KLHL32: variants seen among roughly 807,000 people sequenced by gnomAD.
KLHL32 encodes kelch like family member 32, also known as kelch-like protein 32.
In KLHL32, 35 loss-of-function variants were observed where a neutral mutation model predicts 64.8. The ratio of observed to expected loss-of-function variants is 0.54; its 90% confidence interval spans 0.41 to 0.72. The LOEUF is 0.72. Ranked by LOEUF, KLHL32 falls within the 30% of genes least tolerant of loss-of-function variation. KLHL32 has a pLI of 0.00. For missense variants in KLHL32, 589 were observed against 768.5 expected, an observed-to-expected ratio of 0.77 and a Z score of 2.76; for synonymous variants, 259 against 281.0, an observed-to-expected ratio of 0.92 and a Z score of 0.78.
chr6:96,924,399 G>C (rs1768880370), upstream of KLHL32, among the ~76,000 whole-genome samples: 1 of 151,238 alleles, frequency 6.6e-6, no homozygotes, highest in African/African-American at 2.4e-5. Flanking sequence ...GCCGGAGAGC[G>C]AGGAGGAGGG....
chr6:97,001,259 G>A (rs958679733), intron 3 of KLHL32, among the ~76,000 whole-genome samples: 1 of 152,164 alleles, frequency 6.6e-6, no homozygotes, highest in Admixed American at 6.5e-5. Flanking sequence ...GGCTGTGCTT[G>A]TGGAGGGGGA....
intron 3 of KLHL32, chr6:97,025,212 T>A (rs9487762): frequency 0.036 from 29,013 of 815,212 alleles, 1,087 homozygotes; most frequent in African/African-American, 0.17. Context: ...TTTGTAAAAA[T>A]CTGATTTGGA....
intron 1 of KLHL32, among the ~76,000 whole-genome samples, chr6:96,930,593 G>A (rs899235373): frequency 2.0e-4 from 31 of 151,924 alleles, no homozygotes; most frequent in Non-Finnish European, 8.8e-5. Flanking sequence ...TCCTCAAAAT[G>A]ATGGTGGAAT....
rs866154171 is a variant in KLHL32 at position 96,985,784 on chromosome 6, T to C, written c.204+9607T>C. The stretch of plus-strand genomic sequence containing the variant: ...TAGTTAGCCATTCATCTAATTTTTT[T>C]TCAAGGTTTTTAACTTCTTTGCCAT... On this transcript the variant is annotated intron_variant, in intron 3 of 10. Coordinates refer to ENST00000369261, the MANE Select transcript of KLHL32 (RefSeq NM_052904.4). 7.9e-5 allele frequency among the ~76,000 whole-genome samples: 12 copies of C among 152,320 alleles called. No individual in the cohort carries two copies. The South Asian group carries it at 2.3e-3, about 29-fold the overall frequency.
At chr6:97,130,973 T>A in intron 9 of KLHL32, 24 bp downstream of exon 9, 1 of 1,595,038 alleles carries the variant, frequency 6.3e-7, no homozygotes, top group Non-Finnish European at 8.6e-7. Flanking sequence ...ATTAAGTAAA[T>A]CAGGAAAAGT....
intron 4 of KLHL32, among the ~76,000 whole-genome samples, chr6:97,046,657 C>T (rs1041301125): frequency 6.6e-6 from 1 of 152,096 alleles, no homozygotes; most frequent in Non-Finnish European, 1.5e-5. Flanking sequence ...TCTATTTTCC[C>T]TTTGAGACAT....
At chr6:97,112,967 T>C (rs2128209345) in intron 6 of KLHL32, among the ~76,000 whole-genome samples, 1 of 151,910 alleles carries the variant, frequency 6.6e-6, no homozygotes, top group African/African-American at 2.4e-5. Flanking sequence ...CATATCAAAA[T>C]GTTATAACTC....
intron 8 of KLHL32, 85 bp downstream of exon 8, chr6:97,127,547 G>A: frequency 9.4e-7 from 1 of 1,068,766 alleles, no homozygotes. Context: ...AATGCCAAGT[G>A]TACACACACA....
At chr6:96,937,375 A>G (rs1332565005) in intron 1 of KLHL32, among the ~76,000 whole-genome samples, 1 of 152,168 alleles carries the variant, frequency 6.6e-6, no homozygotes, top group Non-Finnish European at 1.5e-5. Flanking sequence ...TATTTGTTAA[A>G]TTTGGATATT....
intron 1 of KLHL32, among the ~76,000 whole-genome samples, chr6:96,960,439 A>G (rs1773761354): frequency 6.6e-6 from 1 of 152,232 alleles, no homozygotes; most frequent in Non-Finnish European, 1.5e-5. Flanking sequence ...TGAGTTACTC[A>G]TAACTAGGGG....
chr6:97,088,399 A>G (rs1562323513), intron 6 of KLHL32, among the ~76,000 whole-genome samples: 1 of 152,152 alleles, frequency 6.6e-6, no homozygotes, highest in African/African-American at 2.4e-5. Flanking sequence ...GCAAATCTCT[A>G]TCTGTTTGAT....
At chr6:97,072,524 A>G (rs999535734) in intron 5 of KLHL32, among the ~76,000 whole-genome samples, 1 of 150,346 alleles carries the variant, frequency 6.7e-6, no homozygotes, top group African/African-American at 2.4e-5. Context: ...AATTTGGTAC[A>G]CAGGGCCTGT....
intron 7 of KLHL32, among the ~76,000 whole-genome samples, chr6:97,117,176 A>G (rs901618685): frequency 2.6e-5 from 4 of 152,218 alleles, no homozygotes; most frequent in African/African-American, 9.6e-5. Context: ...ATACAGGTAT[A>G]GTTCACCCTG....
chr6:96,928,347 C>A (rs1769422856), intron 1 of KLHL32, among the ~76,000 whole-genome samples: 1 of 151,986 alleles, frequency 6.6e-6, no homozygotes, highest in Non-Finnish European at 1.5e-5. Context: ...GCTAGTGATA[C>A]CTAATATTGA....
chr6:96,973,670 A>G (rs1283238514), intron 2 of KLHL32, among the ~76,000 whole-genome samples: 9 of 150,740 alleles, frequency 6.0e-5, no homozygotes, highest in Admixed American at 5.9e-4. Flanking sequence ...TATAAAGTTA[A>G]TAGGGACTTA....
intron 3 of KLHL32, among the ~76,000 whole-genome samples, chr6:97,023,850 ATAT>A (rs746554694): frequency 5.9e-5 from 9 of 152,168 alleles, no homozygotes; most frequent in Non-Finnish European, 1.2e-4. Context: ...CTCTCTGGAG[ATAT>A]TAGAATCTGG....
intron 1 of KLHL32, among the ~76,000 whole-genome samples, chr6:96,940,230 A>G (rs544603792): frequency 6.6e-6 from 1 of 152,342 alleles, no homozygotes; most frequent in South Asian, 2.1e-4. Context: ...TGGAGGTCAT[A>G]GAAAACATTG....
At chr6:96,985,206 C>G (rs1038364965) in intron 3 of KLHL32, among the ~76,000 whole-genome samples, 12 of 152,196 alleles carry the variant, frequency 7.9e-5, no homozygotes, top group African/African-American at 2.9e-4. Context: ...GGCCCCCACT[C>G]TCTTCTGGCT....
At chr6:96,926,552 A>T (rs555442573) in intron 1 of KLHL32, among the ~76,000 whole-genome samples, 1 of 152,330 alleles carries the variant, frequency 6.6e-6, no homozygotes, top group South Asian at 2.1e-4. Flanking sequence ...TGAATGGGGA[A>T]GCCCTTTCTG....
Sources: gnomAD v4.1 joint callset for allele counts (sites outside exome capture counted in the v4.1 genomes callset) on GRCh38, gnomAD v4.1.1 for gene constraint, MANE v1.5 for transcripts, NCBI Gene and HGNC (gene_info 2026-07-23, HGNC 2026-07-21) for gene names.